TG: variants seen among roughly 807,000 people sequenced by gnomAD.
TG encodes the protein thyroid hormones.
In TG, 270 loss-of-function variants were observed where a neutral mutation model predicts 324.7. The ratio of observed to expected loss-of-function variants is 0.83; its 90% CI spans 0.75 to 0.92. TG has a LOEUF of 0.92. TG is among the 40% of genes least tolerant of loss of function. The pLI is 0.00. For missense variants in TG, 3,591 were observed against 3,456.4 expected (o/e 1.04, Z -0.98); for synonymous variants, 1,401 against 1,327.0 (o/e 1.06, Z -1.21).
At chr8:133,062,062 A>G (rs536481617) in intron 41 of TG, among the ~76,000 whole-genome samples, 60 of 152,358 alleles carry the variant, frequency 3.9e-4, no homozygotes, top group African/African-American at 6.5e-4. Flanking sequence ...CTCATAGTGC[A>G]CCACAGAAGG....
At chr8:132,879,299 C>G (rs1814304886) in intron 5 of TG, among the ~76,000 whole-genome samples, 1 of 152,190 alleles carries the variant, frequency 6.6e-6, no homozygotes. Flanking sequence ...GAGTGGTAGT[C>G]TCACCCTTTG....
rs200236155 is a variant in TG at position 132,913,154 on chromosome 8, C to G, written c.4267C>G (p.Arg1423Gly). Reference protein sequence around the residue: ...DSKTFPAETIRFLQGDHFGTS... With the variant: ...DSKTFPAETIGFLQGDHFGTS... Reference sequence around the variant, plus strand: ...CAAGACGTTCCCAGCGGAAACCATCCGCTTCCTCCAAGGGGACCACTTTGG... The same window carrying G: ...CAAGACGTTCCCAGCGGAAACCATCGGCTTCCTCCAAGGGGACCACTTTGG... The change falls in exon 20 of 48, where the codon CGC (arginine) becomes GGC (glycine). Residue 1423 changes from arginine (R) to glycine (G), a missense_variant. Coordinates refer to ENST00000220616, the MANE Select transcript of TG (RefSeq NM_003235.5). 20 of 1,614,060 alleles carry G rather than the reference C, an allele frequency of 1.2e-5. No individual in the cohort carries two copies. Among genetic ancestry groups the G allele is most frequent in the Middle Eastern group, 3.3e-4 (2 of 6,084 alleles).
At chr8:133,120,126 T>G (rs998107011) in intron 45 of TG, among the ~76,000 whole-genome samples, 11 of 152,162 alleles carry the variant, frequency 7.2e-5, no homozygotes, top group South Asian at 2.1e-4. Context: ...CCACCCTCAA[T>G]CCACTGACTC....
intron 35 of TG, chr8:132,988,844 G>A: frequency 1.0e-6 from 1 of 985,370 alleles, no homozygotes; most frequent in Non-Finnish European, 1.2e-6. Flanking sequence ...TTATTCCCAG[G>A]ACAACGAGCA....
chr8:133,058,728 T>C (rs1841908768), intron 41 of TG, among the ~76,000 whole-genome samples: 1 of 152,224 alleles, frequency 6.6e-6, no homozygotes, highest in Non-Finnish European at 1.5e-5. Context: ...CACGCTGTTC[T>C]GAGTGTCGCA....
Position 132,883,011 on chromosome 8 carries a change from C to T in TG, c.1075+12C>T, listed in dbSNP as rs776458407. On this transcript the variant is annotated intron_variant, in intron 8 of 47. Coordinates refer to ENST00000220616, the MANE Select transcript of TG (RefSeq NM_003235.5). ...GCCGCCATCTTGTGGTGGGTTTCCT[C>T]TGGGGGCTTCCTCTTTCGGCCTCGG... 2.5e-6 allele frequency: 4 copies of T among 1,612,860 alleles called. No homozygotes were observed. The East Asian group carries it at 8.9e-5, about 36-fold the overall frequency.
chr8:133,093,197 A>G (rs1349959061), intron 41 of TG, among the ~76,000 whole-genome samples: 2 of 150,546 alleles, frequency 1.3e-5, no homozygotes, highest in Admixed American at 1.3e-4. Flanking sequence ...TGCCCTGCTC[A>G]TTGTTGGAAA....
In TG at chr8:132,976,678, C is replaced by T. The variant is rs971602785; in HGVS notation, c.6199+3937C>T. 2.6e-5 allele frequency among the ~76,000 whole-genome samples: 4 copies of T among 152,146 alleles called. No individual in the cohort carries two copies. The East Asian group carries it at 7.7e-4, about 29-fold the overall frequency. On this transcript the variant is annotated intron_variant, in intron 34 of 47. Coordinates refer to ENST00000220616, the MANE Select transcript of TG (RefSeq NM_003235.5). ...AGACTCTCATTCTTCCATCCATGGCCCCTGAACAGAAAACACCATGGGATG... is the reference window on the plus strand; with the variant it reads ...AGACTCTCATTCTTCCATCCATGGCTCCTGAACAGAAAACACCATGGGATG...
intron 41 of TG, chr8:133,049,676 T>C: frequency 1.9e-6 from 1 of 539,686 alleles, no homozygotes; most frequent in Admixed American, 3.1e-5. Flanking sequence ...AGCTGAAAGG[T>C]CCAACTTCCT....
At chr8:132,971,682 G>A in intron 32 of TG, 112 bp from the exon 33 acceptor site, 2 of 765,818 alleles carry the variant, frequency 2.6e-6, no homozygotes, top group South Asian at 2.8e-5. Context: ...TAAGTAGGGG[G>A]TAAAAAAATA....
chr8:133,107,576 A>G (rs1274404661), intron 43 of TG, among the ~76,000 whole-genome samples: 4 of 152,204 alleles, frequency 2.6e-5, no homozygotes, highest in African/African-American at 4.8e-5. Context: ...CTCGCCAATC[A>G]TGAAGGAATG....
intron 44 of TG, among the ~76,000 whole-genome samples, chr8:133,115,440 T>C (rs1850601420): frequency 6.6e-6 from 1 of 152,152 alleles, no homozygotes; most frequent in African/African-American, 2.4e-5. Flanking sequence ...GTTGGCTTCA[T>C]CTGCCCTCAA....
intron 6 of TG, among the ~76,000 whole-genome samples, chr8:132,882,200 G>C (rs548700617): frequency 6.6e-6 from 1 of 152,228 alleles, no homozygotes; most frequent in Non-Finnish European, 1.5e-5. Flanking sequence ...GAAGTGCCCC[G>C]CTCTGGGCAG....
chr8:133,088,829 C>T (rs1847028922), intron 41 of TG, among the ~76,000 whole-genome samples: 2 of 152,074 alleles, frequency 1.3e-5, no homozygotes, highest in African/African-American at 4.8e-5. Context: ...GGAAGTTTTG[C>T]CAAAACTGAA....
rs148528207 is a variant in TG at position 133,022,065 on chromosome 8, C to T, written c.6951C>T (p.Ile2317=). 3.9e-5 allele frequency: 63 copies of T among 1,614,068 alleles called. No individual in the cohort carries two copies. Among genetic ancestry groups the T allele is most frequent in the South Asian group, 2.7e-4 (25 of 91,088 alleles). Residue 2317 remains isoleucine (I), a synonymous_variant, in exon 40 of 48, where the codon ATC becomes ATT. Transcript: ENST00000220616. The part of the protein sequence containing the change: ...DREESEGWPA[I]DGSFLAAVGN... ...AGGAGAGTGAAGGATGGCCGGCTAT[C>T]GACGGCTCCTTCTTGGCTGCTGTTG...
At position 132,983,391 on chromosome 8, in the gene TG, C is replaced by A. The variant is rs114087638; in HGVS notation, c.6241C>A (p.Leu2081Met). 3.1e-6 allele frequency: 5 copies of A among 1,614,102 alleles called. No homozygotes were observed. Among genetic ancestry groups the A allele is most frequent in the East Asian group, 4.5e-5 (2 of 44,888 alleles). ...NAPSFCPLVV[L>M]PSLTEKVSLD... ...TCCCAGTTTTTGCCCTTTGGTTGTT[C>A]TGCCTTCCCTCACAGAGAAAGGTAA... Residue 2081 changes from leucine to methionine, a missense_variant, in exon 35 of 48, where the codon CTG becomes ATG. Physicochemically the swap from Leu to Met is conservative, Grantham distance 15. Coordinates refer to ENST00000220616, the MANE Select transcript of TG (RefSeq NM_003235.5).
chr8:133,111,658 T>C (rs1228152547), intron 43 of TG, among the ~76,000 whole-genome samples: 2 of 152,218 alleles, frequency 1.3e-5, no homozygotes, highest in African/African-American at 2.4e-5. Flanking sequence ...GTGAACATTA[T>C]TCGTGAGTGC....
rs1587324489 is a variant in TG at position 132,901,467 on chromosome 8, A to C, written c.3548A>C (p.Gln1183Pro). ...GGCTTTTCCCCAGTGCAATGTGACC[A>C]GGCCCAGGGCAGCTGCTGGTGTGTC... Reference protein sequence around the residue: ...DGGFSPVQCDQAQGSCWCVMD... With the variant: ...DGGFSPVQCDPAQGSCWCVMD... The change falls in exon 16 of 48, where the codon CAG (glutamine) becomes CCG (proline). Residue 1183 changes from glutamine (Q) to proline (P), a missense_variant. Physicochemically the swap from Gln to Pro is moderately conservative, Grantham distance 76. Coordinates refer to ENST00000220616, the MANE Select transcript of TG (RefSeq NM_003235.5). 1.9e-6 allele frequency: 3 copies of C among 1,614,190 alleles called. No individual in the cohort carries two copies. In the East Asian group the frequency reaches 6.7e-5, roughly 36 times the overall value.
chr8:132,964,917 C>G (rs758715146), intron 29 of TG: 1 of 702,392 alleles, frequency 1.4e-6, no homozygotes. Flanking sequence ...CCAGAAGGAT[C>G]TGCCAGATGC....
Sources: allele counts gnomAD v4.1 joint callset (sites outside exome capture counted in the v4.1 genomes callset), GRCh38; gene constraint gnomAD v4.1.1; transcripts MANE v1.5; gene names NCBI Gene and HGNC (gene_info 2026-07-23, HGNC 2026-07-21).